Variants in IGF2 observed in about 807,000 individuals in gnomAD.
IGF2 encodes insulin-like growth factor 2.
In IGF2, 2 loss-of-function variants were observed where a neutral mutation model predicts 12.0. That is an observed-to-expected ratio of 0.17 (90% CI 0.07 to 0.52). The LOEUF (loss-of-function observed/expected upper bound fraction) is 0.52, where lower values mean the gene tolerates loss of function less well. IGF2 is among the 20% of genes least tolerant of loss of function. The probability of loss-of-function intolerance (pLI) is 0.95; values close to 1 mark genes in which losing one functional copy is unlikely to be tolerated. For missense variants in IGF2, 211 were observed against 268.0 expected (o/e 0.79, Z 1.48); for synonymous variants, 105 against 110.1 (o/e 0.95, Z 0.29).
chr11:2,129,123 C>G lies in IGF2; in HGVS notation c.*3864G>C, dbSNP rs1858362659. 1 of 180,330 alleles carries G rather than the reference C, an allele frequency of 5.5e-6. No homozygotes were observed. Among genetic ancestry groups the G allele is most frequent in the Non-Finnish European group, 1.2e-5 (1 of 84,222 alleles). 11.2% of individuals were successfully genotyped at this position (180,330 alleles called of 1,614,324 possible). A position where few individuals can be genotyped will look rare whatever the true frequency, so the allele number is the denominator to read the frequency against. ...GAGTGGAACACTCAGAAGATCATGA[C>G]TTTTAATGCTTTATTGGGATTGCAA... On this transcript the variant is annotated 3_prime_UTR_variant, in exon 4 of 4. Transcript: ENST00000416167. This position sits in a 1 kb window ranked among gnomAD's most constrained non-coding sequence, Gnocchi z 8.1.
chr11:2,134,174 G>T, intron 2 of IGF2: 1 of 503,138 alleles, frequency 2.0e-6, no homozygotes, highest in Non-Finnish European at 4.0e-6. Context: ...GAGGCGTGAT[G>T]GAACCACTCC....
At chr11:2,135,840 C>T (rs900339572) in intron 1 of IGF2, among the ~76,000 whole-genome samples, 1 of 152,188 alleles carries the variant, frequency 6.6e-6, no homozygotes, top group Non-Finnish European at 1.5e-5. Flanking sequence ...AGGAGCTCAG[C>T]GGCATCCACA....
chr11:2,133,480 G>A lies in IGF2; in HGVS notation c.306+37C>T, dbSNP rs749637732. The A allele has an allele frequency of 1.6e-5, 25 of 1,590,530 alleles. No individual in the cohort carries two copies. Among genetic ancestry groups the A allele is most frequent in the East Asian group, 2.2e-5 (1 of 44,448 alleles). On this transcript the variant is annotated intron_variant, in intron 3 of 3. Coordinates refer to ENST00000416167, the MANE Select transcript of IGF2 (RefSeq NM_000612.6). This position sits in a 1 kb window ranked among gnomAD's most constrained non-coding sequence, Gnocchi z 8.9. ...TGGGCGCCCGAAGCCCTATTTCTCT[G>A]TCTCTAGAGAGTGGGAAAGGGGCCC...
rs750573966 is a variant in IGF2 at position 2,129,866 on chromosome 11, G to A, written c.*3121C>T. 6.9e-5 allele frequency: 16 copies of A among 232,238 alleles called. No homozygotes were observed. The highest frequency in any genetic ancestry group is 1.1e-4 in the Admixed American group (2 of 17,764). The allele number at this position is 232,238 out of a possible 1,614,324, so 14.4% of individuals were successfully genotyped here. ...AGTCCCTGCCGCAGCCCTAGGCGCC[G>A]CGGTGGTGGCTGCTATGGCATCACC... is the stretch of plus-strand genomic sequence containing the variant. On this transcript the variant is annotated 3_prime_UTR_variant, in exon 4 of 4. Transcript: ENST00000416167. The surrounding 1 kb of genome is among the most constrained non-coding windows in gnomAD (Gnocchi z 8.1).
At chr11:2,136,707 C>T (rs753502201) in intron 1 of IGF2, among the ~76,000 whole-genome samples, 2 of 152,260 alleles carry the variant, frequency 1.3e-5, no homozygotes, top group South Asian at 2.1e-4. Flanking sequence ...GCAGCTGCGC[C>T]GAGGATCTGA....
At chr11:2,140,103 G>A (rs747126639), upstream of IGF2, 1 of 1,605,514 alleles carries the variant, frequency 6.2e-7, no homozygotes, top group African/African-American at 1.3e-5. Context: ...GAGGAGAGAG[G>A]ATCAGGGCGG....
intron 1 of IGF2, among the ~76,000 whole-genome samples, chr11:2,137,481 A>G (rs1398313695): frequency 6.7e-6 from 1 of 148,498 alleles, no homozygotes. Context: ...GCGAAGTGCC[A>G]TGGGCTCCCA....
At chr11:2,140,239 T>C (rs775258358), upstream of IGF2, 2 of 1,613,036 alleles carry the variant, frequency 1.2e-6, no homozygotes, top group African/African-American at 2.7e-5. Context: ...TGGACTTGCA[T>C]AGACGCGAGT....
In IGF2 at chr11:2,133,483, T is replaced by C. The variant is rs1186636673; in HGVS notation, c.306+34A>G. On this transcript the variant is annotated intron_variant, in intron 3 of 3. Transcript: ENST00000416167. This position sits in a 1 kb window ranked among gnomAD's most constrained non-coding sequence, Gnocchi z 8.9. ...GCGCCCGAAGCCCTATTTCTCTGTC[T>C]CTAGAGAGTGGGAAAGGGGCCCAGG... 1.3e-6 allele frequency: 2 copies of C among 1,595,906 alleles called. No individual in the cohort carries two copies. The highest frequency in any genetic ancestry group is 1.1e-5 in the South Asian group (1 of 88,790).
rs965105226 is a variant in IGF2 at position 2,138,809 on chromosome 11, G to C, written c.-587C>G. Reference sequence around the variant, plus strand: ...CGGGGCCAGACGCCAAGAGGGGCGCGGGGAGCACAGAGAAGCGGAGGGAAG... The same window carrying C: ...CGGGGCCAGACGCCAAGAGGGGCGCCGGGAGCACAGAGAAGCGGAGGGAAG... On this transcript the variant is annotated 5_prime_UTR_variant, in exon 1 of 4. Coordinates refer to ENST00000416167, the MANE Select transcript of IGF2 (RefSeq NM_000612.6). The C allele has an allele frequency of 2.1e-6, 2 of 943,762 alleles. No individual in the cohort carries two copies. The highest frequency in any genetic ancestry group is 2.5e-6 in the Non-Finnish European group (2 of 793,186). The allele number at this position is 943,762 out of a possible 1,614,324, so 58.5% of individuals were successfully genotyped here. A position where few individuals can be genotyped will look rare whatever the true frequency, so the allele number is the denominator to read the frequency against.
At chr11:2,134,353 C>G in intron 2 of IGF2, 1 of 332,440 alleles carries the variant, frequency 3.0e-6, no homozygotes, top group South Asian at 2.3e-5. Flanking sequence ...CCCTCCCCTC[C>G]TCTCAGGAAA....
At chr11:2,142,207 T>TAAAA (rs56374651), upstream of IGF2, among the ~76,000 whole-genome samples, 1 of 145,582 alleles carries the variant, frequency 6.9e-6, no homozygotes, top group African/African-American at 2.5e-5. This position sits in a 1 kb window ranked among gnomAD's most constrained non-coding sequence, Gnocchi z 5.7. Context: ...AAATCAGTAT[T>TAAAA]AAAAAAAAAA....
rs765325526 is a variant in IGF2 at position 2,133,687 on chromosome 11, G to C, written c.158-22C>G. On this transcript the variant is annotated intron_variant, in intron 2 of 3. Coordinates refer to ENST00000416167, the MANE Select transcript of IGF2 (RefSeq NM_000612.6). The surrounding 1 kb of genome is among the most constrained non-coding windows in gnomAD (Gnocchi z 8.9). Reference sequence around the variant, plus strand: ...CTGCCTGGAAGTCCCACAGCACAGAGAGAGCCGTGTTAGCACCGCACTGAC... The same window carrying C: ...CTGCCTGGAAGTCCCACAGCACAGACAGAGCCGTGTTAGCACCGCACTGAC... 2 of 1,612,210 alleles carry C rather than the reference G, an allele frequency of 1.2e-6. No homozygotes were observed. The highest frequency in any genetic ancestry group is 2.7e-5 in the African/African-American group (2 of 74,906).
rs137913580 is a variant in IGF2, at chr11:2,138,390, G to T, written c.-168C>A. On this transcript the variant is annotated 5_prime_UTR_variant, in exon 1 of 4. Coordinates refer to ENST00000416167, the MANE Select transcript of IGF2 (RefSeq NM_000612.6). Reference sequence around the variant, plus strand: ...AGAGCGGGGGGATGGCTTTTTTTTGGGGGGGGGGGGAGAATTCGTCTGATT... The same window carrying T: ...AGAGCGGGGGGATGGCTTTTTTTTGTGGGGGGGGGGAGAATTCGTCTGATT... 4.4e-5 allele frequency: 22 copies of T among 495,630 alleles called. No homozygotes were observed. The highest frequency in any genetic ancestry group is 1.8e-4 in the South Asian group (2 of 11,076). 30.7% of individuals were successfully genotyped at this position (495,630 alleles called of 1,614,324 possible).
At position 2,132,938 on chromosome 11, in the gene IGF2, G is replaced by T; in HGVS notation, c.*49C>A. The T allele has an allele frequency of 8.0e-7, 1 of 1,250,414 alleles. No individual in the cohort carries two copies. The highest frequency in any genetic ancestry group is 1.5e-5 in the South Asian group (1 of 67,400). The allele number at this position is 1,250,414 out of a possible 1,614,324, so 77.5% of individuals were successfully genotyped here. On this transcript the variant is annotated 3_prime_UTR_variant, in exon 4 of 4. Coordinates refer to ENST00000416167, the MANE Select transcript of IGF2 (RefSeq NM_000612.6). ...CTGATGGAAACGTCCGTGGTCAGGA[G>T]GAGGCTGCAGGATGGTGGCGCCGGG...
chr11:2,149,535 G>T, the IGF2 span: 2 of 625,054 alleles, frequency 3.2e-6, no homozygotes, highest in African/African-American at 1.8e-5. Context: ...GTGCCAACTT[G>T]GTAGTGCTGA....
At chr11:2,145,726 G>A (rs1048713128), upstream of IGF2, among the ~76,000 whole-genome samples, 5 of 152,132 alleles carry the variant, frequency 3.3e-5, no homozygotes, top group Non-Finnish European at 1.5e-5. Context: ...GGGAGTGGGG[G>A]TGCACACATG....
upstream of IGF2, chr11:2,140,382 C>A: frequency 2.3e-6 from 3 of 1,311,014 alleles, no homozygotes; most frequent in South Asian, 4.2e-5. Context: ...CCCCGCCAGC[C>A]CCCCGCCGCC....
In IGF2 at chr11:2,132,205, A is replaced by C. The variant is rs1858656487; in HGVS notation, c.*782T>G. 6 of 206,172 alleles carry C rather than the reference A, an allele frequency of 2.9e-5. No individual in the cohort carries two copies. In the East Asian group the frequency reaches 4.3e-4, roughly 15 times the overall value. 12.8% of individuals were successfully genotyped at this position (206,172 alleles called of 1,614,324 possible). On this transcript the variant is annotated 3_prime_UTR_variant, in exon 4 of 4. Coordinates refer to ENST00000416167, the MANE Select transcript of IGF2 (RefSeq NM_000612.6). Reference sequence around the variant, plus strand: ...TGCCAATTACATTTCATTTGCATGGATTTTGGTTTTCATGCTCTGTCCTCC... The same window carrying C: ...TGCCAATTACATTTCATTTGCATGGCTTTTGGTTTTCATGCTCTGTCCTCC...
Sources: gnomAD v4.1 joint callset for allele counts (sites outside exome capture counted in the v4.1 genomes callset) on GRCh38, gnomAD v4.1.1 for gene constraint, Gnocchi (gnomAD v3.1) non-coding constraint, MANE v1.5 for transcripts, NCBI Gene and HGNC (gene_info 2026-07-23, HGNC 2026-07-21) for gene names.